PPARGC1B: variants seen among roughly 807,000 people sequenced by gnomAD.
PPARGC1B encodes PPARG coactivator 1 beta, also known as peroxisome proliferator-activated receptor gamma coactivator 1-beta.
Under a neutral mutation model 101.6 loss-of-function variants are expected in PPARGC1B, and 34 were observed. The ratio of observed to expected loss-of-function variants is 0.33; its 90% confidence interval spans 0.25 to 0.45. The LOEUF is 0.45. PPARGC1B is among the 20% of genes least tolerant of loss of function. The pLI is 1.00. For missense variants in PPARGC1B, 1,234 were observed against 1,317.6 expected (o/e 0.94, Z 0.98); for synonymous variants, 548 against 539.3 (o/e 1.02, Z -0.22).
At chr5:149,796,856 T>G (rs1404114033) in intron 1 of PPARGC1B, among the ~76,000 whole-genome samples, 9 of 152,154 alleles carry the variant, frequency 5.9e-5, no homozygotes, top group Non-Finnish European at 1.5e-5. Flanking sequence ...AAGGAGGAGA[T>G]GCTGATAAAC....
At chr5:149,753,434 C>G (rs1023587179) in intron 1 of PPARGC1B, among the ~76,000 whole-genome samples, 13 of 152,152 alleles carry the variant, frequency 8.5e-5, no homozygotes, top group Admixed American at 2.6e-4. Flanking sequence ...TCTCAAACTC[C>G]TGACCTCAAG....
rs1276476503 is a variant in PPARGC1B at position 149,832,951 on chromosome 5, A to G, written c.878A>G (p.Tyr293Cys). ...CAGGCGATGGTGCAACTCATACGCT[A>G]CATGCACACCTACTGCCTCCCCCAG... The part of the protein sequence containing the change: ...DMQAMVQLIR[Y>C]MHTYCLPQRK... Residue 293 changes from tyrosine (Y) to cysteine (C), a missense_variant, in exon 5 of 12, where the codon TAC becomes TGC. Physicochemically the swap from Tyr to Cys is radical, Grantham distance 194. This residue lies in a region of PPARGC1B where 734 missense variants were observed against 768.4 expected (regional missense o/e 0.96). Transcript: ENST00000309241. This position sits in a 1 kb window ranked among gnomAD's most constrained non-coding sequence, Gnocchi z 4.9. The G allele has an allele frequency of 6.2e-7, 1 of 1,613,202 alleles. No homozygotes were observed. The highest frequency in any genetic ancestry group is 8.5e-7 in the Non-Finnish European group (1 of 1,180,012).
chr5:149,826,174 C>G lies in PPARGC1B; in HGVS notation c.253-499C>G, dbSNP rs182321367. Among the ~76,000 whole-genome samples the G allele has an allele frequency of 1.2e-4, 19 of 152,258 alleles. 1 individual carries two copies. The highest frequency in any genetic ancestry group is 4.8e-5 in the African/African-American group (2 of 41,526). ...GAATGAGGAGAGTAAGCTCTGGGAACCCGCAGAGAAATTATAGCTGCCTCG... is the reference window on the plus strand; with the variant it reads ...GAATGAGGAGAGTAAGCTCTGGGAAGCCGCAGAGAAATTATAGCTGCCTCG... On this transcript the variant is annotated intron_variant, in intron 2 of 11. Transcript: ENST00000309241.
Position 149,845,750 on chromosome 5 carries a change from C to T in PPARGC1B, c.2817-10C>T. 1.2e-6 allele frequency: 2 copies of T among 1,600,144 alleles called. No homozygotes were observed. The highest frequency in any genetic ancestry group is 2.2e-5 in the East Asian group (1 of 44,566). ...CCCAATAACATACTCTCCTTGCTCCCTCCCCGCAGAGGCGAGAAGTACGGC... is the reference window on the plus strand; with the variant it reads ...CCCAATAACATACTCTCCTTGCTCCTTCCCCGCAGAGGCGAGAAGTACGGC... On this transcript the variant is annotated splice_polypyrimidine_tract_variant and intron_variant, in intron 10 of 11. Coordinates refer to ENST00000309241, the MANE Select transcript of PPARGC1B (RefSeq NM_133263.4).
In PPARGC1B at chr5:149,849,611, C is replaced by T. The variant is rs1212768666; in HGVS notation, c.*2053C>T. 1 of 152,206 alleles carries T rather than the reference C, an allele frequency of 6.6e-6. No individual in the cohort carries two copies. Among genetic ancestry groups the T allele is most frequent in the Non-Finnish European group, 1.5e-5 (1 of 68,032 alleles). 9.4% of individuals were successfully genotyped at this position (152,206 alleles called of 1,614,324 possible). A position where few individuals can be genotyped will look rare whatever the true frequency, so the allele number is the denominator to read the frequency against. On this transcript the variant is annotated 3_prime_UTR_variant, in exon 12 of 12. Transcript: ENST00000309241. ...CATTACTAATTGATTAGAGTTCAAT[C>T]TATTTGACATCTTGGGCTAATCTTT...
chr5:149,783,517 T>C (rs936729754), intron 1 of PPARGC1B, among the ~76,000 whole-genome samples: 2 of 152,064 alleles, frequency 1.3e-5, no homozygotes, highest in African/African-American at 4.8e-5. Flanking sequence ...CACCGTCCAG[T>C]CAGATGGGGG....
chr5:149,756,591 C>G (rs1363682698), intron 1 of PPARGC1B, among the ~76,000 whole-genome samples: 2 of 152,218 alleles, frequency 1.3e-5, no homozygotes, highest in Non-Finnish European at 2.9e-5. Flanking sequence ...CCTCGGGGAC[C>G]AGCGTCAGGT....
chr5:149,746,403 G>C (rs950281038), intron 1 of PPARGC1B, among the ~76,000 whole-genome samples: 1 of 152,162 alleles, frequency 6.6e-6, no homozygotes. Flanking sequence ...TGTCATCAAG[G>C]CTCATCTCTA....
downstream of PPARGC1B, among the ~76,000 whole-genome samples, chr5:149,855,715 T>C (rs891400356): frequency 3.9e-5 from 6 of 152,236 alleles, no homozygotes; most frequent in African/African-American, 1.4e-4. Flanking sequence ...TCAAAGGGGT[T>C]AGCCTGTATT....
intron 1 of PPARGC1B, among the ~76,000 whole-genome samples, chr5:149,772,899 T>C (rs1756195024): frequency 6.6e-6 from 1 of 152,074 alleles, no homozygotes; most frequent in African/African-American, 2.4e-5. Flanking sequence ...GTGAAGATAT[T>C]TGTGTGTGTG....
At chr5:149,736,767 A>G (rs1447229834) in intron 1 of PPARGC1B, among the ~76,000 whole-genome samples, 6 of 151,846 alleles carry the variant, frequency 4.0e-5, no homozygotes, top group Non-Finnish European at 8.8e-5. Context: ...TTCTTTTAAG[A>G]CTTTATTTTT....
At chr5:149,818,992 C>A in intron 1 of PPARGC1B, 1 of 406,528 alleles carries the variant, frequency 2.5e-6, no homozygotes, top group Non-Finnish European at 4.9e-6. Context: ...TCTGTGTCAG[C>A]CCCCCAACTC....
At position 149,845,760 on chromosome 5, in the gene PPARGC1B, A is replaced by C. The variant is rs767999075; in HGVS notation, c.2817A>C (p.Arg939Ser). ...TACTCTCCTTGCTCCCTCCCCGCAG[A>C]GGCGAGAAGTACGGCTTCATCACCT... ...EECEVLTRNR[R>S]GEKYGFITYR... is the part of the protein sequence containing the mutation. The change falls in exon 11 of 12, where the codon AGA becomes AGC. Residue 939 changes from arginine (R) to serine (S), a missense_variant and splice_region_variant. Coordinates refer to ENST00000309241, the MANE Select transcript of PPARGC1B (RefSeq NM_133263.4). 1 of 1,604,984 alleles carries C rather than the reference A, an allele frequency of 6.2e-7. No homozygotes were observed. Among genetic ancestry groups the C allele is most frequent in the African/African-American group, 1.3e-5 (1 of 74,718 alleles).
chr5:149,793,807 G>T (rs1315593142), intron 1 of PPARGC1B, among the ~76,000 whole-genome samples: 1 of 152,168 alleles, frequency 6.6e-6, no homozygotes, highest in East Asian at 1.9e-4. Context: ...AGGGAGAGAC[G>T]CTCAGACGGA....
intron 11 of PPARGC1B, 114 bp from the exon 12 acceptor site, chr5:149,847,344 G>T: frequency 1.2e-6 from 1 of 828,936 alleles, no homozygotes; most frequent in Non-Finnish European, 2.2e-6. Flanking sequence ...CCAAGGCCTT[G>T]GGCTGCAGCC....
chr5:149,800,571 C>G (rs1757398957), intron 1 of PPARGC1B, among the ~76,000 whole-genome samples: 1 of 152,236 alleles, frequency 6.6e-6, no homozygotes, highest in South Asian at 2.1e-4. Context: ...AAATGGCTAA[C>G]AATACCTCCC....
chr5:149,806,702 G>C (rs985231056), intron 1 of PPARGC1B, among the ~76,000 whole-genome samples: 3 of 151,796 alleles, frequency 2.0e-5, no homozygotes, highest in African/African-American at 4.8e-5. Context: ...CCGCCTCCTG[G>C]GTTCCAGCGA....
chr5:149,811,964 C>G (rs1245618415), intron 1 of PPARGC1B, among the ~76,000 whole-genome samples: 1 of 152,230 alleles, frequency 6.6e-6, no homozygotes, highest in African/African-American at 2.4e-5. Context: ...ATCTTCTTCT[C>G]TGGACTGGAA....
At chr5:149,733,549 T>C in intron 1 of PPARGC1B, among the ~76,000 whole-genome samples, 1 of 152,232 alleles carries the variant, frequency 6.6e-6, no homozygotes, top group East Asian at 1.9e-4. Context: ...CCTTTTATCA[T>C]TGTGCCTGCA....
Sources: gnomAD v4.1 joint callset for allele counts (sites outside exome capture counted in the v4.1 genomes callset) on GRCh38, gnomAD v4.1.1 for gene constraint, gnomAD v4.1.1 regional missense constraint, Gnocchi (gnomAD v3.1) non-coding constraint, MANE v1.5 for transcripts, NCBI Gene and HGNC (gene_info 2026-07-23, HGNC 2026-07-21) for gene names.